Variants in THSD7A observed in about 807,000 individuals in gnomAD.
THSD7A encodes thrombospondin type-1 domain-containing protein 7A.
In THSD7A, 96 loss-of-function variants were observed where a neutral mutation model predicts 231.3. The ratio of observed to expected loss-of-function variants is 0.41; its 90% confidence interval spans 0.35 to 0.49. The LOEUF is 0.49. Ranked by LOEUF, THSD7A falls within the 20% of genes least tolerant of loss-of-function variation. THSD7A has a pLI of 0.05. For synonymous variants in THSD7A, 940 were observed against 743.3 expected, an observed-to-expected ratio of 1.26 and a Z score of -4.30; for missense variants, 2,290 against 2,070.2, an observed-to-expected ratio of 1.11 and a Z score of -2.06.
chr7:11,747,122 A>G (rs1443494739), intron 1 of THSD7A, among the ~76,000 whole-genome samples: 2 of 151,988 alleles, frequency 1.3e-5, no homozygotes, highest in Non-Finnish European at 2.9e-5. Context: ...TTTAATGAAA[A>G]GAGGTTGCAC....
At chr7:11,773,419 AC>A (rs1783299400) in intron 1 of THSD7A, among the ~76,000 whole-genome samples, 1 of 152,006 alleles carries the variant, frequency 6.6e-6, no homozygotes, top group Non-Finnish European at 1.5e-5. Flanking sequence ...GACCCCAGCT[AC>A]TCGGGAGGCT....
chr7:11,427,316 A>C lies in THSD7A; in HGVS notation c.3244-645T>G, dbSNP rs187363007. On this transcript the variant is annotated intron_variant, in intron 14 of 27. Coordinates refer to ENST00000423059, the MANE Select transcript of THSD7A (RefSeq NM_015204.3). ...AGAAGTTTCTATTTTTATGCAGAAC[A>C]TTTAGGCTCAAATGTTCAAAAATTT... Among the ~76,000 whole-genome samples, 12 of 152,306 alleles carry C rather than the reference A, an allele frequency of 7.9e-5. No homozygotes were observed. In the East Asian group the frequency reaches 1.5e-3, roughly 20 times the overall value.
At chr7:11,612,708 G>C (rs1780975961) in intron 2 of THSD7A, among the ~76,000 whole-genome samples, 1 of 152,068 alleles carries the variant, frequency 6.6e-6, no homozygotes, top group African/African-American at 2.4e-5. Context: ...TTTATATTCT[G>C]ATAAGCAGTG....
chr7:11,584,881 T>G (rs1041759495), intron 4 of THSD7A, among the ~76,000 whole-genome samples: 1 of 152,138 alleles, frequency 6.6e-6, no homozygotes, highest in Non-Finnish European at 1.5e-5. Flanking sequence ...GCAGTGTGAG[T>G]GCGAATATAG....
chr7:11,561,697 C>G (rs142697156), intron 4 of THSD7A, among the ~76,000 whole-genome samples: 4 of 152,056 alleles, frequency 2.6e-5, no homozygotes, highest in Non-Finnish European at 5.9e-5. Flanking sequence ...TGGCAAAACC[C>G]CAACTCTACT....
At chr7:11,391,835 C>T (rs890714003) in intron 23 of THSD7A, among the ~76,000 whole-genome samples, 1 of 152,060 alleles carries the variant, frequency 6.6e-6, no homozygotes, top group Non-Finnish European at 1.5e-5. Context: ...TCACAGCTTC[C>T]CTTGGCTAGG....
At chr7:11,675,855 G>T (rs150879663) in intron 1 of THSD7A, among the ~76,000 whole-genome samples, 6 of 152,172 alleles carry the variant, frequency 3.9e-5, no homozygotes, top group African/African-American at 1.4e-4. Flanking sequence ...TGACTTAAAC[G>T]TTCCTGCCTG....
At chr7:11,627,689 G>T (rs1383067523) in intron 2 of THSD7A, among the ~76,000 whole-genome samples, 2 of 152,056 alleles carry the variant, frequency 1.3e-5, no homozygotes, top group African/African-American at 4.8e-5. Context: ...AATGAGGGAT[G>T]TTCAATGGGA....
At chr7:11,731,148 T>C (rs1231643931) in intron 1 of THSD7A, among the ~76,000 whole-genome samples, 1 of 151,644 alleles carries the variant, frequency 6.6e-6, no homozygotes, top group Non-Finnish European at 1.5e-5. Flanking sequence ...ATTCCCTATA[T>C]TGATAATTTG....
chr7:11,514,451 A>G (rs576081762), intron 6 of THSD7A, among the ~76,000 whole-genome samples: 6 of 152,288 alleles, frequency 3.9e-5, no homozygotes, highest in African/African-American at 1.4e-4. Context: ...ACACACGTAT[A>G]TATGTGTCAA....
Position 11,402,076 on chromosome 7 carries a change from C to A in THSD7A, c.4238-108G>T, listed in dbSNP as rs926580695. The A allele has an allele frequency of 1.5e-5, 12 of 801,192 alleles. No individual in the cohort carries two copies. The African/African-American group carries it at 1.9e-4, about 13-fold the overall frequency. The allele number at this position is 801,192 out of a possible 1,614,324, so 49.6% of individuals were successfully genotyped here. A position where few individuals can be genotyped will look rare whatever the true frequency, so the allele number is the denominator to read the frequency against. ...GGCAATGTTTCTGGTATCCCAGGCA[C>A]ACATAATATTTATAAGATTTAAATA... On this transcript the variant is annotated intron_variant, in intron 22 of 27. Coordinates refer to ENST00000423059, the MANE Select transcript of THSD7A (RefSeq NM_015204.3).
chr7:11,618,914 A>G (rs1781212522), intron 2 of THSD7A, among the ~76,000 whole-genome samples: 1 of 152,030 alleles, frequency 6.6e-6, no homozygotes. Context: ...AATAGGGTTC[A>G]GAGTGGTAAG....
At chr7:11,667,408 A>G (rs1783183216) in intron 1 of THSD7A, among the ~76,000 whole-genome samples, 1 of 152,082 alleles carries the variant, frequency 6.6e-6, no homozygotes, top group South Asian at 2.1e-4. Context: ...CTACAACACG[A>G]GCGTTTGTAC....
intron 1 of THSD7A, among the ~76,000 whole-genome samples, chr7:11,698,912 T>G (rs1212892402): frequency 6.6e-6 from 1 of 151,316 alleles, no homozygotes; most frequent in Non-Finnish European, 1.5e-5. Flanking sequence ...TTTCTTATTC[T>G]TTATAAAAAT....
intron 1 of THSD7A, among the ~76,000 whole-genome samples, chr7:11,789,142 T>C (rs1783875959): frequency 6.6e-6 from 1 of 151,766 alleles, no homozygotes; most frequent in African/African-American, 2.4e-5. Flanking sequence ...TCCAAAGTCA[T>C]GGTCTTCCAA....
At chr7:11,562,841 G>A (rs1409450450) in intron 4 of THSD7A, among the ~76,000 whole-genome samples, 4 of 152,182 alleles carry the variant, frequency 2.6e-5, no homozygotes, top group Admixed American at 6.5e-5. Flanking sequence ...ATTGGCACTA[G>A]TGGTGCGTTT....
chr7:11,591,580 G>C (rs1033276626), intron 3 of THSD7A, among the ~76,000 whole-genome samples: 22 of 152,134 alleles, frequency 1.4e-4, no homozygotes, highest in Admixed American at 2.0e-4. Context: ...GTCTAATCTA[G>C]ATGCTTCACT....
intron 1 of THSD7A, among the ~76,000 whole-genome samples, chr7:11,788,230 G>A (rs2128177012): frequency 6.6e-6 from 1 of 152,096 alleles, no homozygotes; most frequent in South Asian, 2.1e-4. Flanking sequence ...GTCATTTTTA[G>A]TATCTTCCTT....
intron 1 of THSD7A, among the ~76,000 whole-genome samples, chr7:11,825,640 G>A (rs193267977): frequency 1.5e-3 from 228 of 152,150 alleles, no homozygotes; most frequent in African/African-American, 5.2e-3. Context: ...CTCCTAGTAC[G>A]TTACATGCAT....
Sources: allele counts gnomAD v4.1 joint callset (sites outside exome capture counted in the v4.1 genomes callset), GRCh38; gene constraint gnomAD v4.1.1; transcripts MANE v1.5; gene names NCBI Gene and HGNC (gene_info 2026-07-23, HGNC 2026-07-21).